Variants in ACSL1 observed in about 807,000 individuals in gnomAD.
The protein encoded by ACSL1 is acyl-CoA synthetase long chain family member 1.
A neutral mutation model predicts 98.4 loss-of-function variants in ACSL1; 41 were observed. The observed-to-expected ratio is 0.42, with a 90% CI of 0.32 to 0.54. The LOEUF (loss-of-function observed/expected upper bound fraction) is 0.54, where lower values mean the gene tolerates loss of function less well. ACSL1 is among the 20% of genes least tolerant of loss of function. The pLI is 0.13. For missense variants in ACSL1, 734 were observed against 883.1 expected (o/e 0.83, Z 2.14); for synonymous variants, 316 against 322.7 (o/e 0.98, Z 0.22).
rs747012919 is a variant in ACSL1, at chr4:184,757,973, T to C, written c.1783-53A>G. On this transcript the variant is annotated intron_variant, in intron 18 of 20. Coordinates refer to ENST00000281455, the MANE Select transcript of ACSL1 (RefSeq NM_001995.5). The surrounding 1 kb of genome is among the most constrained non-coding windows in gnomAD (Gnocchi z 4.5). Reference sequence around the variant, plus strand: ...ATAGCTTGATCCAAATGCTCTAAAATAGTGGTTCTTTATTTTTCCATCTTG... The same window carrying C: ...ATAGCTTGATCCAAATGCTCTAAAACAGTGGTTCTTTATTTTTCCATCTTG... 1.9e-5 allele frequency: 30 copies of C among 1,542,576 alleles called. No homozygotes were observed. The highest frequency in any genetic ancestry group is 3.4e-5 in the Admixed American group (2 of 59,492).
intron 2 of ACSL1, among the ~76,000 whole-genome samples, chr4:184,790,668 C>T (rs772956989): frequency 4.6e-5 from 7 of 152,166 alleles, no homozygotes; most frequent in Admixed American, 2.6e-4. Context: ...GTTACTTAAT[C>T]GCTGAGTCTG....
chr4:184,785,553 C>T (rs1000879867), intron 3 of ACSL1, among the ~76,000 whole-genome samples: 32 of 130,260 alleles, frequency 2.5e-4, no homozygotes, highest in Middle Eastern at 6.3e-3. Flanking sequence ...TTTAATTCTA[C>T]AGTAGCCTAA....
intron 12 of ACSL1, chr4:184,768,030 G>A: frequency 2.1e-6 from 1 of 469,698 alleles, no homozygotes; most frequent in Non-Finnish European, 3.7e-6. Flanking sequence ...ACATGAGGAA[G>A]CAGAGGCTCA....
intron 2 of ACSL1, among the ~76,000 whole-genome samples, chr4:184,789,578 A>G (rs553273153): frequency 6.6e-6 from 1 of 152,378 alleles, no homozygotes; most frequent in South Asian, 2.1e-4. Flanking sequence ...TATTAGTTTT[A>G]GGTGCAACAT....
At chr4:184,818,873 T>C (rs1772835093) in intron 1 of ACSL1, among the ~76,000 whole-genome samples, 1 of 152,062 alleles carries the variant, frequency 6.6e-6, no homozygotes, top group Non-Finnish European at 1.5e-5. Flanking sequence ...GCTCCAAAGT[T>C]CCTCTACTGC....
At chr4:184,763,333 A>T in intron 15 of ACSL1, 78 bp from the exon 16 acceptor site, 2 of 1,305,112 alleles carry the variant, frequency 1.5e-6, no homozygotes, top group Non-Finnish European at 2.2e-6. Flanking sequence ...GATAGCAAAC[A>T]GGATTCCACA....
At chr4:184,790,102 TG>T (rs1324379865) in intron 2 of ACSL1, among the ~76,000 whole-genome samples, 2 of 152,076 alleles carry the variant, frequency 1.3e-5, no homozygotes, top group Non-Finnish European at 2.9e-5. Context: ...GGCGGCAGGC[TG>T]AGGAGGGCCG....
intron 7 of ACSL1, among the ~76,000 whole-genome samples, chr4:184,774,308 A>T (rs1476121186): frequency 6.6e-6 from 1 of 152,164 alleles, no homozygotes. Flanking sequence ...TCACCCCCAC[A>T]TTCTGCACAA....
intron 1 of ACSL1, chr4:184,808,369 CTCAAGCTTTCA>C (rs1326916295): frequency 1.0e-6 from 1 of 985,314 alleles, no homozygotes; most frequent in Non-Finnish European, 1.2e-6. Context: ...TCTAAAGTTC[CTCAAGCTTTCA>C]TCAAGATGAA....
At chr4:184,801,457 C>A (rs1770507113) in intron 2 of ACSL1, among the ~76,000 whole-genome samples, 1 of 152,170 alleles carries the variant, frequency 6.6e-6, no homozygotes, top group South Asian at 2.1e-4. Context: ...CCACCAGCCC[C>A]CCGCAGCAGT....
chr4:184,796,114 C>T (rs1237206535), intron 2 of ACSL1, among the ~76,000 whole-genome samples: 1 of 152,194 alleles, frequency 6.6e-6, no homozygotes, highest in Non-Finnish European at 1.5e-5. Flanking sequence ...AATCAGCTGC[C>T]AGCATGGCCA....
intron 3 of ACSL1, chr4:184,788,404 C>G: frequency 1.5e-6 from 1 of 659,846 alleles, no homozygotes; most frequent in South Asian, 1.5e-5. Flanking sequence ...GTGACACTCA[C>G]ATATTTGACC....
intron 7 of ACSL1, among the ~76,000 whole-genome samples, chr4:184,774,307 C>T (rs1304977909): frequency 1.3e-5 from 2 of 152,216 alleles, no homozygotes; most frequent in African/African-American, 4.8e-5. Flanking sequence ...CTCACCCCCA[C>T]ATTCTGCACA....
chr4:184,815,108 T>A (rs750894712), intron 1 of ACSL1: 17 of 455,944 alleles, frequency 3.7e-5, no homozygotes, highest in South Asian at 2.6e-4. Flanking sequence ...GGTAGGGCCC[T>A]GGTGCTCCAG....
At position 184,779,866 on chromosome 4, in the gene ACSL1, T is replaced by A. The variant is rs142079786; in HGVS notation, c.477+466A>T. On this transcript the variant is annotated intron_variant, in intron 5 of 20. Transcript: ENST00000281455. ...GCGATTAAAAGGCCCTGGTTCAGGT[T>A]TTCCTTTCTTTTTTTTTTTTTTTGA... Among the ~76,000 whole-genome samples the A allele has an allele frequency of 2.5e-3, 374 of 151,760 alleles. 2 individuals are homozygous for A. Among genetic ancestry groups the A allele is most frequent in the African/African-American group, 8.4e-3 (347 of 41,510 alleles).
chr4:184,765,837 A>G (rs1763512175), intron 14 of ACSL1, 54 bp downstream of exon 14: 2 of 1,520,428 alleles, frequency 1.3e-6, no homozygotes, highest in African/African-American at 1.4e-5. Flanking sequence ...TTGGTGCAGA[A>G]GAGGACTGGG....
At chr4:184,820,067 C>T (rs145683377) in intron 1 of ACSL1, among the ~76,000 whole-genome samples, 31 of 152,274 alleles carry the variant, frequency 2.0e-4, no homozygotes, top group African/African-American at 6.0e-4. Flanking sequence ...AAACTCCACA[C>T]GTGTGCATGG....
intron 1 of ACSL1, among the ~76,000 whole-genome samples, chr4:184,809,766 A>G (rs934791877): frequency 6.6e-6 from 1 of 152,240 alleles, no homozygotes; most frequent in African/African-American, 2.4e-5. Context: ...ACTGCACTCC[A>G]GCCTGGGCGA....
chr4:184,787,524 A>C (rs1767594234), intron 3 of ACSL1, among the ~76,000 whole-genome samples: 1 of 152,192 alleles, frequency 6.6e-6, no homozygotes, highest in Non-Finnish European at 1.5e-5. Flanking sequence ...TAAAGAATAC[A>C]TCAAGCACCC....
Sources: gnomAD v4.1 joint callset for allele counts (sites outside exome capture counted in the v4.1 genomes callset) on GRCh38, gnomAD v4.1.1 for gene constraint, Gnocchi (gnomAD v3.1) non-coding constraint, MANE v1.5 for transcripts, NCBI Gene and HGNC (gene_info 2026-07-23, HGNC 2026-07-21) for gene names.